Variants in PCYT1A observed in about 807,000 individuals in gnomAD.
The protein encoded by PCYT1A is choline-phosphate cytidylyltransferase A.
Under a neutral mutation model 43.7 loss-of-function variants are expected in PCYT1A, and 25 were observed. That is an observed-to-expected ratio of 0.57 (90% CI 0.42 to 0.80). The LOEUF is 0.80. Among genes scored for constraint, PCYT1A ranks in the 30% least tolerant of loss-of-function variants. The pLI, the probability that PCYT1A is intolerant of heterozygous loss-of-function variation, is 0.00. For missense variants in PCYT1A, 421 were observed against 474.2 expected (o/e 0.89, Z 1.04); for synonymous variants, 172 against 170.7 (o/e 1.01, Z -0.06).
Position 196,270,507 on chromosome 3 carries a change from C to T in PCYT1A, c.25G>A (p.Val9Ile). Reference sequence around the variant, plus strand: ...TCTTTTCTCCTCTTCCTTGCATTGACCTTGGCTGAACACTGTGCATCCATC... The same window carrying T: ...TCTTTTCTCCTCTTCCTTGCATTGATCTTGGCTGAACACTGTGCATCCATC... Reference protein sequence around the residue: MDAQCSAKVNARKRRKEAP... With the variant: MDAQCSAKINARKRRKEAP... The change falls in exon 2 of 9, where the codon GTC becomes ATC. Residue 9 changes from valine (V) to isoleucine (I), a missense_variant. Physicochemically the swap from Val to Ile is conservative, Grantham distance 29 (BLOSUM62 3). Around this residue, in one of 3 missense-constraint regions of PCYT1A, gnomAD observed 139 missense variants for 117.7 expected, o/e 1.18. Transcript: ENST00000431016. 6.2e-7 allele frequency: 1 copy of T among 1,614,034 alleles called. No homozygotes were observed. Among genetic ancestry groups the T allele is most frequent in the Non-Finnish European group, 8.5e-7 (1 of 1,179,882 alleles).
intron 2 of PCYT1A, among the ~76,000 whole-genome samples, chr3:196,260,066 G>A (rs530532077): frequency 6.6e-6 from 1 of 151,634 alleles, no homozygotes; most frequent in South Asian, 2.1e-4. Context: ...GGGATTGCAG[G>A]CATGCACCAC....
Position 196,257,881 on chromosome 3 carries a change from G to A in PCYT1A, c.124C>T (p.Arg42Trp), listed in dbSNP as rs142165028. ...SKVQRCAVGL[R>W]QPAPFSDEIE... Reference sequence around the variant, plus strand: ...TCATCAGAAAAAGGAGCTGGTTGCCGTAAGCCCTTAAGAAATGGAAAGTGA... The same window carrying A: ...TCATCAGAAAAAGGAGCTGGTTGCCATAAGCCCTTAAGAAATGGAAAGTGA... Residue 42 changes from arginine to tryptophan, a missense_variant, in exon 3 of 9, where the codon CGG (arginine) becomes TGG (tryptophan). Arg to Trp is a moderately radical substitution (Grantham distance 101). Coordinates refer to ENST00000431016, the MANE Select transcript of PCYT1A (RefSeq NM_001312673.2). 1.1e-4 allele frequency: 176 copies of A among 1,608,462 alleles called. No individual in the cohort carries two copies. In the African/African-American group the frequency reaches 2.0e-3, roughly 18 times the overall value.
rs920211023 is a variant in PCYT1A, at chr3:196,277,596, C to T, written c.-10-7055G>A. On this transcript the variant is annotated intron_variant, in intron 1 of 8. Coordinates refer to ENST00000431016, the MANE Select transcript of PCYT1A (RefSeq NM_001312673.2). This position sits in a 1 kb window ranked among gnomAD's most constrained non-coding sequence, Gnocchi z 4.1. ...GTTTAAACTTTTACTCTGGGCTGGGCGCGGTGGCTCATGCCTGTAATCCCA... is the reference window on the plus strand; with the variant it reads ...GTTTAAACTTTTACTCTGGGCTGGGTGCGGTGGCTCATGCCTGTAATCCCA... Among the ~76,000 whole-genome samples, 3 of 152,118 alleles carry T rather than the reference C, an allele frequency of 2.0e-5. No homozygotes were observed. Among genetic ancestry groups the T allele is most frequent in the Admixed American group, 6.5e-5 (1 of 15,268 alleles).
Position 196,235,785 on chromosome 3 carries a change from C to T in PCYT1A, c.*2903G>A, listed in dbSNP as rs1004611535. 5.3e-5 allele frequency: 8 copies of T among 152,356 alleles called. No homozygotes were observed. Among genetic ancestry groups the T allele is most frequent in the African/African-American group, 1.9e-4 (8 of 41,576 alleles). The allele number at this position is 152,356 out of a possible 1,614,324, so 9.4% of individuals were successfully genotyped here. ...GCTCCATAGCCTCAAACGTTAATAT[C>T]TGAAGATTTAGATCCCAGGCATTGT... On this transcript the variant is annotated 3_prime_UTR_variant, in exon 9 of 9. Coordinates refer to ENST00000431016, the MANE Select transcript of PCYT1A (RefSeq NM_001312673.2). The surrounding 1 kb of genome is among the most constrained non-coding windows in gnomAD (Gnocchi z 4.3).
At position 196,234,372 on chromosome 3, in the gene PCYT1A, GT is replaced by G. The variant is rs1289287800; in HGVS notation, c.*4315del. The G allele has an allele frequency of 1.3e-5, 2 of 152,226 alleles. No individual in the cohort carries two copies. Among genetic ancestry groups the G allele is most frequent in the Admixed American group, 6.5e-5 (1 of 15,286 alleles). 9.4% of individuals were successfully genotyped at this position (152,226 alleles called of 1,614,324 possible). A position where few individuals can be genotyped will look rare whatever the true frequency, so the allele number is the denominator to read the frequency against. On this transcript the variant is annotated 3_prime_UTR_variant, in exon 9 of 9. Transcript: ENST00000431016. ...AACACCACTGGACATGGAACATCAG[GT>G]AAAACCACACTGCCTTTATTTGGCT...
chr3:196,246,363 C>G (rs1724568469), intron 5 of PCYT1A, among the ~76,000 whole-genome samples: 1 of 151,906 alleles, frequency 6.6e-6, no homozygotes, highest in African/African-American at 2.4e-5. Context: ...ATCAATCCTT[C>G]TCATCTTTTG....
chr3:196,274,562 T>G (rs1451432784), intron 1 of PCYT1A, among the ~76,000 whole-genome samples: 1 of 152,212 alleles, frequency 6.6e-6, no homozygotes, highest in Non-Finnish European at 1.5e-5. Context: ...TATGATAAAC[T>G]GTCATCTCTG....
intron 5 of PCYT1A, among the ~76,000 whole-genome samples, chr3:196,243,683 G>A (rs918068327): frequency 1.4e-4 from 21 of 152,356 alleles, no homozygotes; most frequent in Non-Finnish European, 2.6e-4. Context: ...GCAGGCGCAC[G>A]CCGCCACGCC....
Position 196,238,720 on chromosome 3 carries a change from C to T in PCYT1A, c.1072G>A (p.Ala358Thr). 1.3e-6 allele frequency: 2 copies of T among 1,585,192 alleles called. No homozygotes were observed. Among genetic ancestry groups the T allele is most frequent in the Non-Finnish European group, 1.7e-6 (2 of 1,166,878 alleles). Reference sequence around the variant, plus strand: ...TCTTCATCCTCACTGATATCATAGGCTGCAGCCTTGTGCCTGGAGAGATTT... The same window carrying T: ...TCTTCATCCTCACTGATATCATAGGTTGCAGCCTTGTGCCTGGAGAGATTT... ...PANLSRHKAA[A>T]YDISEDEED The change falls in exon 9 of 9, where the codon GCC (alanine) becomes ACC (threonine). Residue 358 changes from alanine (A) to threonine (T), a missense_variant. By Grantham distance (58) the Ala-to-Thr change is moderately conservative. Transcript: ENST00000431016.
chr3:196,244,417 C>T (rs186611969), intron 5 of PCYT1A, among the ~76,000 whole-genome samples: 1,647 of 151,618 alleles, frequency 0.011, 20 homozygotes, highest in African/African-American at 0.037. Flanking sequence ...ACTGCCCCGC[C>T]GCCCCGTTTG....
At chr3:196,264,577 T>C (rs1725212324) in intron 2 of PCYT1A, among the ~76,000 whole-genome samples, 1 of 152,214 alleles carries the variant, frequency 6.6e-6, no homozygotes, top group African/African-American at 2.4e-5. Context: ...CCACTGCCCC[T>C]ACCTCTTGGT....
chr3:196,257,669 G>A (rs531672521), intron 3 of PCYT1A, 119 bp downstream of exon 3: 5 of 610,498 alleles, frequency 8.2e-6, no homozygotes, highest in South Asian at 2.2e-5. Context: ...GAACCCCTTC[G>A]CTGCTGGCCT....
chr3:196,242,871 T>C lies in PCYT1A; in HGVS notation c.487-231A>G. The C allele has an allele frequency of 1.8e-6, 1 of 551,080 alleles. No individual in the cohort carries two copies. The highest frequency in any genetic ancestry group is 3.3e-6 in the Non-Finnish European group (1 of 304,150). 34.1% of individuals were successfully genotyped at this position (551,080 alleles called of 1,614,324 possible). ...CAGCTGCTTTTGTAGCTATTTCTCC[T>C]AGTCTGCTAGAACTGTTACCCTCAC... On this transcript the variant is annotated intron_variant, in intron 5 of 8. Transcript: ENST00000431016. This position sits in a 1 kb window ranked among gnomAD's most constrained non-coding sequence, Gnocchi z 4.2.
At chr3:196,248,546 G>A (rs556609765) in intron 3 of PCYT1A, among the ~76,000 whole-genome samples, 2 of 151,458 alleles carry the variant, frequency 1.3e-5, no homozygotes, top group Non-Finnish European at 2.9e-5. Context: ...TAATTTTTGT[G>A]TTTTTAGTAG....
Position 196,238,715 on chromosome 3 carries a change from A to G in PCYT1A, c.1077T>C (p.Tyr359=), listed in dbSNP as rs138865781. The G allele has an allele frequency of 8.6e-5, 136 of 1,578,300 alleles. 1 individual carries two copies. The African/African-American group carries it at 1.6e-3, about 18-fold the overall frequency. ...AGTCTTCTTCATCCTCACTGATATCATAGGCTGCAGCCTTGTGCCTGGAGA... is the reference window on the plus strand; with the variant it reads ...AGTCTTCTTCATCCTCACTGATATCGTAGGCTGCAGCCTTGTGCCTGGAGA... ...ANLSRHKAAA[Y]DISEDEED The change falls in exon 9 of 9, where the codon TAT becomes TAC. Residue 359 remains tyrosine, a synonymous_variant. Coordinates refer to ENST00000431016, the MANE Select transcript of PCYT1A (RefSeq NM_001312673.2).
chr3:196,253,399 T>C (rs868107646), intron 3 of PCYT1A, among the ~76,000 whole-genome samples: 11 of 151,342 alleles, frequency 7.3e-5, no homozygotes, highest in African/African-American at 2.7e-4. Flanking sequence ...CATAGTTCCA[T>C]TTTCCCTAAA....
At chr3:196,246,593 T>C (rs1174189980) in intron 5 of PCYT1A, among the ~76,000 whole-genome samples, 1 of 152,216 alleles carries the variant, frequency 6.6e-6, no homozygotes, top group Non-Finnish European at 1.5e-5. Context: ...GATAATAACT[T>C]ACTGAGAAAC....
intron 2 of PCYT1A, among the ~76,000 whole-genome samples, chr3:196,266,105 C>T (rs1343891987): frequency 6.6e-6 from 1 of 151,844 alleles, no homozygotes; most frequent in African/African-American, 2.4e-5. Flanking sequence ...CTACTCTATG[C>T]TCACATCTCA....
intron 3 of PCYT1A, among the ~76,000 whole-genome samples, chr3:196,253,304 T>C (rs1006587910): frequency 3.7e-5 from 5 of 134,546 alleles, no homozygotes; most frequent in African/African-American, 5.6e-5. Flanking sequence ...GCCACTGCAC[T>C]CCAGCCTGCG....
Sources: gnomAD v4.1 joint callset for allele counts (sites outside exome capture counted in the v4.1 genomes callset) on GRCh38, gnomAD v4.1.1 for gene constraint, gnomAD v4.1.1 regional missense constraint, Gnocchi (gnomAD v3.1) non-coding constraint, MANE v1.5 for transcripts, NCBI Gene and HGNC (gene_info 2026-07-23, HGNC 2026-07-21) for gene names.